The following SLC44A1 variants were observed in gnomAD, a reference collection of about 807,000 sequenced individuals.
SLC44A1 encodes choline transporter-like protein 1.
A neutral mutation model predicts 79.3 loss-of-function variants in SLC44A1; 26 were observed. That is an observed-to-expected ratio of 0.33 (90% CI 0.24 to 0.46). The LOEUF (loss-of-function observed/expected upper bound fraction) is 0.46. Among genes scored for constraint, SLC44A1 ranks in the 20% least tolerant of loss-of-function variants. The probability of loss-of-function intolerance (pLI) is 1.00; values close to 1 mark genes in which losing one functional copy is unlikely to be tolerated. For synonymous variants in SLC44A1, 263 were observed against 286.2 expected (o/e 0.92, Z 0.82); for missense variants, 688 against 798.1 (o/e 0.86, Z 1.66).
At position 105,385,877 on chromosome 9, in the gene SLC44A1, A is replaced by G. The variant is rs548116016; in HGVS notation, c.1950+375A>G. ...CACTTGAACTGACGGTTTGATTTTT[A>G]TCATTTTGGAAGGTGATCATAGCAA... On this transcript the variant is annotated intron_variant, in intron 15 of 15. Transcript: ENST00000374720. 7 of 985,268 alleles carry G rather than the reference A, an allele frequency of 7.1e-6. No homozygotes were observed. The East Asian group carries it at 4.5e-4, about 64-fold the overall frequency. 61.0% of individuals were successfully genotyped at this position (985,268 alleles called of 1,614,324 possible). A position where few individuals can be genotyped will look rare whatever the true frequency, so the allele number is the denominator to read the frequency against.
chr9:105,423,575 T>C (rs993876933), intron 15 of SLC44A1, among the ~76,000 whole-genome samples: 2 of 152,232 alleles, frequency 1.3e-5, no homozygotes, highest in Admixed American at 6.5e-5. Context: ...CAGACTATTG[T>C]TCCTTGTTAT....
chr9:105,429,129 G>A (rs892594226), intron 15 of SLC44A1, among the ~76,000 whole-genome samples: 4 of 152,210 alleles, frequency 2.6e-5, no homozygotes, highest in African/African-American at 4.8e-5. Flanking sequence ...CATCTCCACA[G>A]TGGCTGTTTC....
intron 1 of SLC44A1, among the ~76,000 whole-genome samples, chr9:105,246,375 T>TC (rs200528263): frequency 3.1e-5 from 3 of 98,256 alleles, no homozygotes; most frequent in African/African-American, 6.0e-5. Context: ...CCTCCAGTCT[T>TC]TTTTTTTTTT....
At chr9:105,379,836 T>G (rs992687237) in intron 13 of SLC44A1, among the ~76,000 whole-genome samples, 2 of 152,244 alleles carry the variant, frequency 1.3e-5, no homozygotes, top group Non-Finnish European at 2.9e-5. Context: ...CCTTTGCTTC[T>G]GTGTGAAATT....
chr9:105,416,058 T>A (rs12345255), intron 15 of SLC44A1, among the ~76,000 whole-genome samples: 1 of 151,820 alleles, frequency 6.6e-6, no homozygotes, highest in Non-Finnish European at 1.5e-5. Context: ...CCCACCACCA[T>A]GCCCAGCTAG....
chr9:105,423,452 C>T lies in SLC44A1; in HGVS notation c.1951-14829C>T, dbSNP rs115762335. Among the ~76,000 whole-genome samples, 922 of 152,058 alleles carry T rather than the reference C, an allele frequency of 6.1e-3. 9 individuals are homozygous for T. The highest frequency in any genetic ancestry group is 0.02 in the African/African-American group (848 of 41,474). ...TTGCACTCCAGCCTGGGCAACAGAG[C>T]GAGGCTCGGTCTCATAAAATAAAAT... is the stretch of plus-strand genomic sequence containing the variant. On this transcript the variant is annotated intron_variant, in intron 15 of 15. Transcript: ENST00000374724.
intron 2 of SLC44A1, among the ~76,000 whole-genome samples, chr9:105,304,944 GTTTTTTTTTTTTTTTTTTTTTTTTTTTT>G (rs10589897): frequency 4.5e-4 from 9 of 20,086 alleles, no homozygotes; most frequent in South Asian, 4.8e-3. Flanking sequence ...ACTTTCTATC[GTTTTTTTTTTTTTTTTTTTTTTTTTTTT>G]TTTTTTTTTT....
chr9:105,252,010 A>G (rs1459080871), intron 1 of SLC44A1, among the ~76,000 whole-genome samples: 1 of 152,200 alleles, frequency 6.6e-6, no homozygotes, highest in Non-Finnish European at 1.5e-5. Context: ...AATGGTCTTT[A>G]CGTTTTTAAG....
intron 1 of SLC44A1, among the ~76,000 whole-genome samples, chr9:105,276,823 A>G (rs1045028125): frequency 6.6e-6 from 1 of 152,166 alleles, no homozygotes; most frequent in African/African-American, 2.4e-5. Context: ...GGTCCAGGCT[A>G]TTTTGTGCCC....
chr9:105,432,359 A>C (rs1213815311), intron 15 of SLC44A1, among the ~76,000 whole-genome samples: 1 of 152,250 alleles, frequency 6.6e-6, no homozygotes, highest in Non-Finnish European at 1.5e-5. Context: ...GCTAAAGGTA[A>C]TACAACCTTA....
chr9:105,403,562 C>T lies in SLC44A1; in HGVS notation c.1950+18060C>T, dbSNP rs548872490. 7.1e-4 allele frequency among the ~76,000 whole-genome samples: 107 copies of T among 150,782 alleles called. 2 individuals carry two copies. Among genetic ancestry groups the T allele is most frequent in the Admixed American group, 2.9e-3 (44 of 15,032 alleles). On this transcript the variant is annotated intron_variant, in intron 15 of 15. Transcript: ENST00000374724. ...CTGAGTTCTACATTAGCTAAGAATA[C>T]CAGAATAAGAGACCCAGCCTCTGCT...
chr9:105,430,996 G>A (rs914294029), intron 15 of SLC44A1, among the ~76,000 whole-genome samples: 1 of 152,092 alleles, frequency 6.6e-6, no homozygotes, highest in Non-Finnish European at 1.5e-5. Flanking sequence ...GTGTGGTTTT[G>A]TTTTGCATTT....
intron 15 of SLC44A1, chr9:105,438,215 A>G (rs1829488347): frequency 7.3e-7 from 1 of 1,369,172 alleles, no homozygotes; most frequent in African/African-American, 1.4e-5. Flanking sequence ...CTAGTTATTG[A>G]TTACTTCTCA....
intron 15 of SLC44A1, among the ~76,000 whole-genome samples, chr9:105,433,908 G>A (rs749969013): frequency 6.6e-5 from 10 of 152,168 alleles, no homozygotes; most frequent in Non-Finnish European, 1.3e-4. Context: ...CTTGGGGAAA[G>A]TCTCTACCAT....
chr9:105,392,110 C>T lies in SLC44A1; in HGVS notation c.*3054C>T. 16 of 985,376 alleles carry T rather than the reference C, an allele frequency of 1.6e-5. No individual in the cohort carries two copies. Among genetic ancestry groups the T allele is most frequent in the Non-Finnish European group, 1.9e-5 (16 of 829,896 alleles). 61.0% of individuals were successfully genotyped at this position (985,376 alleles called of 1,614,324 possible). A position where few individuals can be genotyped will look rare whatever the true frequency, so the allele number is the denominator to read the frequency against. Reference sequence around the variant, plus strand: ...GCTTACCAGTGCATTAGTAATAAAACATTAGCAATTTAGCTAGAGCACTGA... The same window carrying T: ...GCTTACCAGTGCATTAGTAATAAAATATTAGCAATTTAGCTAGAGCACTGA... On this transcript the variant is annotated 3_prime_UTR_variant, in exon 16 of 16. Coordinates refer to ENST00000374720, the MANE Select transcript of SLC44A1 (RefSeq NM_080546.5).
At chr9:105,267,966 C>T (rs754662359) in intron 1 of SLC44A1, among the ~76,000 whole-genome samples, 1 of 152,098 alleles carries the variant, frequency 6.6e-6, no homozygotes, top group Admixed American at 6.5e-5. Flanking sequence ...CTCTTCTGGG[C>T]TCCTGGAAAG....
At chr9:105,413,686 C>T (rs1829127890) in intron 15 of SLC44A1, among the ~76,000 whole-genome samples, 1 of 152,184 alleles carries the variant, frequency 6.6e-6, no homozygotes, top group South Asian at 2.1e-4. Context: ...AGCTGAGATG[C>T]AGTCCTAATC....
In SLC44A1 at chr9:105,392,546, G is replaced by T. The variant is rs897484722; in HGVS notation, c.*3490G>T. ...TTTTAGGATTTCACCCTAGTAGGGGGTATGAGGCACTGACCCCTTTATTCT... is the reference window on the plus strand; with the variant it reads ...TTTTAGGATTTCACCCTAGTAGGGGTTATGAGGCACTGACCCCTTTATTCT... On this transcript the variant is annotated 3_prime_UTR_variant, in exon 16 of 16. Transcript: ENST00000374720. 6.4e-5 allele frequency: 63 copies of T among 985,084 alleles called. No individual in the cohort carries two copies. Among genetic ancestry groups the T allele is most frequent in the Non-Finnish European group, 7.6e-5 (63 of 829,908 alleles). 61.0% of individuals were successfully genotyped at this position (985,084 alleles called of 1,614,324 possible). A position where few individuals can be genotyped will look rare whatever the true frequency, so the allele number is the denominator to read the frequency against.
chr9:105,384,548 TTC>T (rs1828572547), intron 14 of SLC44A1, among the ~76,000 whole-genome samples: 1 of 152,158 alleles, frequency 6.6e-6, no homozygotes, highest in African/African-American at 2.4e-5. Context: ...GGCACTGATT[TTC>T]TCTTTTTCTG....
Sources: gnomAD v4.1 joint callset for allele counts (sites outside exome capture counted in the v4.1 genomes callset) on GRCh38, gnomAD v4.1.1 for gene constraint, MANE v1.5 for transcripts, NCBI Gene and HGNC (gene_info 2026-07-23, HGNC 2026-07-21) for gene names.